Variants in MCUB observed in about 807,000 individuals in gnomAD.
The protein encoded by MCUB is mitochondrial calcium uniporter dominant negative subunit beta, also known as calcium uniporter regulatory subunit MCUb, mitochondrial.
Under a neutral mutation model 41.4 loss-of-function variants are expected in MCUB, and 46 were observed. The observed-to-expected ratio is 1.11, with a 90% CI of 0.88 to 1.42. MCUB has a LOEUF of 1.42. Ranked by LOEUF, MCUB falls within the 40% of genes most tolerant of loss-of-function variation. The probability of loss-of-function intolerance (pLI) is 0.00; values close to 1 mark genes in which losing one functional copy is unlikely to be tolerated. For synonymous variants in MCUB, 148 were observed against 148.2 expected (o/e 1.00, Z 0.01); for missense variants, 403 against 404.9 (o/e 1.00, Z 0.04).
chr4:109,592,409 C>CA lies in MCUB; in HGVS notation c.99+31986dup, dbSNP rs1049292419. Among the ~76,000 whole-genome samples, 631 of 127,982 alleles carry CA rather than the reference C, an allele frequency of 4.9e-3. 6 individuals are homozygous for CA. The highest frequency in any genetic ancestry group is 0.016 in the East Asian group (70 of 4,484). The allele number at this position is 127,982 out of a possible 152,430, so 84.0% of individuals were successfully genotyped here. A position where few individuals can be genotyped will look rare whatever the true frequency, so the allele number is the denominator to read the frequency against. On this transcript the variant is annotated intron_variant, in intron 1 of 7. Coordinates refer to ENST00000394650, the MANE Select transcript of MCUB (RefSeq NM_017918.5). ...TGGGTGACAGAACGAGACTCTGTCT[C>CA]AAAAAAAAAAAAATTATATGTATAT...
chr4:109,600,895 A>C (rs1579059373), intron 1 of MCUB, among the ~76,000 whole-genome samples: 1 of 152,110 alleles, frequency 6.6e-6, no homozygotes, highest in African/African-American at 2.4e-5. Flanking sequence ...CCTGGGTTCA[A>C]GCGATTGTCC....
chr4:109,660,227 T>C lies in MCUB; in HGVS notation c.208T>C (p.Leu70=). The change falls in exon 3 of 8, where the codon TTG becomes CTG. Residue 70 remains leucine, a synonymous_variant. Coordinates refer to ENST00000394650, the MANE Select transcript of MCUB (RefSeq NM_017918.5). ...ITVIYRHGLP[L]VTLTLPSRKE... ...AGTTATTTATAGACATGGCCTTCCC[T>C]TGGTAACACTTACCTTGCCATCTAG... 6.3e-7 allele frequency: 1 copy of C among 1,593,684 alleles called. No individual in the cohort carries two copies. Among genetic ancestry groups the C allele is most frequent in the Non-Finnish European group, 8.6e-7 (1 of 1,164,152 alleles).
chr4:109,569,512 T>TC (rs1159407829), intron 1 of MCUB, among the ~76,000 whole-genome samples: 5 of 141,506 alleles, frequency 3.5e-5, no homozygotes, highest in Non-Finnish European at 6.1e-5. Flanking sequence ...TTTTTTTTTT[T>TC]TTTTTTTTTG....
intron 1 of MCUB, among the ~76,000 whole-genome samples, chr4:109,647,663 T>A (rs1728868552): frequency 6.6e-6 from 1 of 152,166 alleles, no homozygotes; most frequent in African/African-American, 2.4e-5. Flanking sequence ...TGCAGTTTAT[T>A]TACCATATTT....
chr4:109,603,149 G>A lies in MCUB; in HGVS notation c.99+42713G>A, dbSNP rs568240959. 9.9e-5 allele frequency among the ~76,000 whole-genome samples: 15 copies of A among 152,258 alleles called. No homozygotes were observed. The South Asian group carries it at 1.5e-3, about 15-fold the overall frequency. The stretch of plus-strand genomic sequence containing the variant: ...CTCTCCGCGGTCTCCCTCTGTTACC[G>A]AGGCTGGACTGTACTGACACGATCT... On this transcript the variant is annotated intron_variant, in intron 1 of 7. Transcript: ENST00000394650.
At chr4:109,625,337 T>G (rs1178087612) in intron 1 of MCUB, among the ~76,000 whole-genome samples, 1 of 152,226 alleles carries the variant, frequency 6.6e-6, no homozygotes, top group Non-Finnish European at 1.5e-5. Flanking sequence ...AGTTCAATGC[T>G]TCAAACATTC....
At position 109,687,579 on chromosome 4, in the gene MCUB, A is replaced by G; in HGVS notation, c.998A>G (p.Asn333Ser). Reference sequence around the variant, plus strand: ...TTGCAAATGCAAGTAGAAGAACTCAATGAAAAGAATTAATCTTACAGTTTT... The same window carrying G: ...TTGCAAATGCAAGTAGAAGAACTCAGTGAAAAGAATTAATCTTACAGTTTT... ...LCLQMQVEEL[N>S]EKN The change falls in exon 8 of 8, where the codon AAT becomes AGT. Residue 333 changes from asparagine to serine, a missense_variant. Coordinates refer to ENST00000394650, the MANE Select transcript of MCUB (RefSeq NM_017918.5). The G allele has an allele frequency of 6.2e-7, 1 of 1,605,542 alleles. No individual in the cohort carries two copies.
chr4:109,625,654 C>T (rs1247193124), intron 1 of MCUB, among the ~76,000 whole-genome samples: 1 of 152,198 alleles, frequency 6.6e-6, no homozygotes, highest in Non-Finnish European at 1.5e-5. Flanking sequence ...AGCTAAAGAG[C>T]ATCCATATTA....
In MCUB at chr4:109,674,225, A is replaced by G. The variant is rs1315909557; in HGVS notation, c.452-8357A>G. 6 of 745,368 alleles carry G rather than the reference A, an allele frequency of 8.0e-6. No individual in the cohort carries two copies. In the East Asian group the frequency reaches 1.2e-4, roughly 15 times the overall value. The allele number at this position is 745,368 out of a possible 1,614,324, so 46.2% of individuals were successfully genotyped here. ...GAAATAAACTAATTTGTATGGGTTT[A>G]GATGGTAACATGGCATTTTGAATAC... On this transcript the variant is annotated intron_variant, in intron 4 of 7. Coordinates refer to ENST00000394650, the MANE Select transcript of MCUB (RefSeq NM_017918.5).
chr4:109,688,207 G>A lies in MCUB; in HGVS notation c.*615G>A, dbSNP rs1486182226. The stretch of plus-strand genomic sequence containing the variant: ...AGTTTCAGGTATCGAAGCCAAAACA[G>A]TTAACTTTCTTCAGCCTCTGGCAGA... On this transcript the variant is annotated 3_prime_UTR_variant, in exon 8 of 8. Coordinates refer to ENST00000394650, the MANE Select transcript of MCUB (RefSeq NM_017918.5). 6.6e-6 allele frequency: 1 copy of A among 152,194 alleles called. No homozygotes were observed. The highest frequency in any genetic ancestry group is 1.9e-4 in the East Asian group (1 of 5,198). 9.4% of individuals were successfully genotyped at this position (152,194 alleles called of 1,614,324 possible).
intron 7 of MCUB, among the ~76,000 whole-genome samples, chr4:109,686,503 A>T (rs931764408): frequency 1.3e-5 from 2 of 152,110 alleles, no homozygotes; most frequent in African/African-American, 2.4e-5. Context: ...TAATGCTTTT[A>T]AAAAAAATTT....
intron 4 of MCUB, among the ~76,000 whole-genome samples, chr4:109,681,702 G>A (rs970390345): frequency 4.6e-5 from 7 of 152,224 alleles, no homozygotes; most frequent in African/African-American, 1.2e-4. Context: ...CCTTTAGCCC[G>A]ATCTGGAGCG....
At chr4:109,566,056 A>G (rs888873490) in intron 1 of MCUB, among the ~76,000 whole-genome samples, 1 of 151,496 alleles carries the variant, frequency 6.6e-6, no homozygotes, top group South Asian at 2.1e-4. Flanking sequence ...AGGTCTCACT[A>G]TGTTGCCCAG....
At position 109,659,058 on chromosome 4, in the gene MCUB, C is replaced by A; in HGVS notation, c.147C>A (p.His49Gln). The A allele has an allele frequency of 6.5e-7, 1 of 1,536,064 alleles. No homozygotes were observed. Among genetic ancestry groups the A allele is most frequent in the Non-Finnish European group, 8.8e-7 (1 of 1,132,706 alleles). ...GAAATGTGAAATACTACCAGTCACA[C>A]CATTATAGTACCGTGGTGCCACCTG... Reference protein sequence around the residue: ...LCGNVKYYQSHHYSTVVPPDE... With the variant: ...LCGNVKYYQSQHYSTVVPPDE... The change falls in exon 2 of 8, where the codon CAC becomes CAA. Residue 49 changes from histidine to glutamine, a missense_variant. Transcript: ENST00000394650.
At chr4:109,591,126 G>T (rs1354767999) in intron 1 of MCUB, among the ~76,000 whole-genome samples, 1 of 151,866 alleles carries the variant, frequency 6.6e-6, no homozygotes, top group African/African-American at 2.4e-5. Context: ...CTACTGCACA[G>T]CTGCCACTTT....
At chr4:109,568,268 G>T (rs907476643) in intron 1 of MCUB, among the ~76,000 whole-genome samples, 1 of 152,072 alleles carries the variant, frequency 6.6e-6, no homozygotes, top group Non-Finnish European at 1.5e-5. Flanking sequence ...AGTTCCTTTG[G>T]ACCTTGTAAA....
intron 1 of MCUB, among the ~76,000 whole-genome samples, chr4:109,621,166 T>C (rs1479855733): frequency 6.6e-6 from 1 of 152,200 alleles, no homozygotes; most frequent in Non-Finnish European, 1.5e-5. Flanking sequence ...CCCAAAGTGC[T>C]GGGATTACAG....
At chr4:109,659,657 CT>C (rs1247349535) in intron 2 of MCUB, among the ~76,000 whole-genome samples, 1 of 151,968 alleles carries the variant, frequency 6.6e-6, no homozygotes, top group Non-Finnish European at 1.5e-5. Context: ...CCTGAGAAGA[CT>C]TTTTTTCTTT....
intron 4 of MCUB, among the ~76,000 whole-genome samples, chr4:109,670,778 C>T (rs537358586): frequency 6.6e-5 from 10 of 151,866 alleles, no homozygotes; most frequent in African/African-American, 2.4e-4. Flanking sequence ...AAAATCACTA[C>T]TTTTCCTTTC....
Sources: allele counts gnomAD v4.1 joint callset (sites outside exome capture counted in the v4.1 genomes callset), GRCh38; gene constraint gnomAD v4.1.1; transcripts MANE v1.5; gene names NCBI Gene and HGNC (gene_info 2026-07-23, HGNC 2026-07-21).